IL17D: variants seen among roughly 807,000 people sequenced by gnomAD.
IL17D encodes interleukin 17D.
IL17D carries 10 observed loss-of-function variants against 5.7 expected under a neutral mutation model. The ratio of observed to expected loss-of-function variants is 1.75; its 90% confidence interval spans 1.08 to 2.97. The LOEUF (loss-of-function observed/expected upper bound fraction) is 2.97, where lower values mean the gene tolerates loss of function less well. IL17D is among the 30% of genes most tolerant of loss of function. IL17D has a pLI of 0.00. For synonymous variants in IL17D, 172 were observed against 141.7 expected, an observed-to-expected ratio of 1.21 and a Z score of -1.52; for missense variants, 354 against 292.7, an observed-to-expected ratio of 1.21 and a Z score of -1.53.
intron 1 of IL17D, among the ~76,000 whole-genome samples, chr13:20,720,136 T>G (rs1464532919): frequency 6.6e-6 from 1 of 152,180 alleles, no homozygotes; most frequent in Non-Finnish European, 1.5e-5. Context: ...CTTCGTGGAC[T>G]GAGGATGCAC....
intron 1 of IL17D, among the ~76,000 whole-genome samples, chr13:20,718,314 C>T (rs41323145): frequency 9.2e-5 from 14 of 152,140 alleles, no homozygotes; most frequent in Non-Finnish European, 2.1e-4. Context: ...CTGCATGCCG[C>T]GTGCGTGTGA....
Position 20,716,188 on chromosome 13 carries a change from T to C in IL17D, c.291-5448T>C. 2 of 643,498 alleles carry C rather than the reference T, an allele frequency of 3.1e-6. No individual in the cohort carries two copies. The highest frequency in any genetic ancestry group is 3.9e-6 in the Non-Finnish European group (2 of 517,152). The allele number at this position is 643,498 out of a possible 1,614,324, so 39.9% of individuals were successfully genotyped here. ...AGCTCTTGGAGAGGGATGCTACATG[T>C]CCCTCAGTGTCCCCAGAGGACGGCG... is the stretch of plus-strand genomic sequence containing the variant. On this transcript the variant is annotated intron_variant, in intron 1 of 1. Coordinates refer to ENST00000682841, the MANE Select transcript of IL17D (RefSeq NM_001385224.1). This position sits in a 1 kb window ranked among gnomAD's most constrained non-coding sequence, Gnocchi z 4.2.
intron 1 of IL17D, among the ~76,000 whole-genome samples, chr13:20,718,509 C>A (rs1477945990): frequency 3.2e-5 from 2 of 63,216 alleles, no homozygotes; most frequent in African/African-American, 7.3e-5. Context: ...TGCCCACACT[C>A]AGACACACTT....
intron 1 of IL17D, chr13:20,712,926 T>G (rs2058651048): frequency 6.6e-6 from 1 of 152,092 alleles, no homozygotes; most frequent in Non-Finnish European, 1.5e-5. Flanking sequence ...TTTCTTTTCT[T>G]TCCTTCCTTC....
chr13:20,719,240 C>T (rs1035873832), intron 1 of IL17D, among the ~76,000 whole-genome samples: 1 of 150,608 alleles, frequency 6.6e-6, no homozygotes. Context: ...CATGCTTACA[C>T]GCACCTGCCC....
chr13:20,703,248 A>G (rs2058558512), upstream of IL17D: 1 of 985,668 alleles, frequency 1.0e-6, no homozygotes, highest in Non-Finnish European at 1.2e-6. Context: ...TATTCCGCTC[A>G]AGAGCCGCCG....
rs1387577846 is a variant in IL17D at position 20,721,652 on chromosome 13, GCGAGGTACCC to G, written c.309_318del (p.Arg104GlyfsTer14). The G allele has an allele frequency of 9.4e-6, 15 of 1,601,070 alleles. No homozygotes were observed. Among genetic ancestry groups the G allele is most frequent in the African/African-American group, 1.3e-5 (1 of 74,704 alleles). On this transcript the variant is annotated frameshift_variant, in exon 2 of 2. Coordinates refer to ENST00000682841, the MANE Select transcript of IL17D (RefSeq NM_001385224.1). LOFTEE classifies it low-confidence loss of function (END_TRUNC). ...TCCCTGCAGAATCTCCTACGACCCG[GCGAGGTACCC>G]CAGGTACCTGCCTGAAGCCTACTGC...
At chr13:20,711,097 T>C (rs1336045873) in intron 1 of IL17D, among the ~76,000 whole-genome samples, 2 of 151,712 alleles carry the variant, frequency 1.3e-5, no homozygotes, top group Non-Finnish European at 2.9e-5. Context: ...AAACCCCAGC[T>C]CTACTACAAA....
rs2058750167 is a variant in IL17D, at chr13:20,723,058, G to A, written c.*1104G>A. The A allele has an allele frequency of 6.6e-6, 1 of 152,144 alleles. No individual in the cohort carries two copies. The highest frequency in any genetic ancestry group is 6.5e-5 in the Admixed American group (1 of 15,272). The allele number at this position is 152,144 out of a possible 1,614,324, so 9.4% of individuals were successfully genotyped here. A position where few individuals can be genotyped will look rare whatever the true frequency, so the allele number is the denominator to read the frequency against. On this transcript the variant is annotated 3_prime_UTR_variant, in exon 2 of 2. Transcript: ENST00000682841. Reference sequence around the variant, plus strand: ...TGAACACAATTATTTGTAAAAGTTAGTAGTTCTTTTTTAAATCATTAAAAG... The same window carrying A: ...TGAACACAATTATTTGTAAAAGTTAATAGTTCTTTTTTAAATCATTAAAAG...
chr13:20,706,607 G>A (rs1412603558), intron 1 of IL17D, among the ~76,000 whole-genome samples: 2 of 152,254 alleles, frequency 1.3e-5, no homozygotes, highest in Non-Finnish European at 2.9e-5. Context: ...TAACAAGCCT[G>A]TTGAGTTTTG....
chr13:20,712,786 G>T (rs748160723), intron 1 of IL17D: 1 of 152,222 alleles, frequency 6.6e-6, no homozygotes, highest in Non-Finnish European at 1.5e-5. Flanking sequence ...TGGCCGACAG[G>T]GGGCAGCACG....
chr13:20,710,912 G>A (rs1046250957), intron 1 of IL17D, among the ~76,000 whole-genome samples: 1 of 152,280 alleles, frequency 6.6e-6, no homozygotes, highest in East Asian at 1.9e-4. Context: ...AAAGGACAAG[G>A]AGTGTCCTAG....
At chr13:20,707,623 G>C (rs1235388014) in intron 1 of IL17D, among the ~76,000 whole-genome samples, 1 of 152,010 alleles carries the variant, frequency 6.6e-6, no homozygotes, top group Non-Finnish European at 1.5e-5. Flanking sequence ...TAGGCTCAAG[G>C]GATCCTCCTA....
chr13:20,705,046 G>A (rs532855598), intron 1 of IL17D, among the ~76,000 whole-genome samples: 1 of 152,174 alleles, frequency 6.6e-6, no homozygotes, highest in Non-Finnish European at 1.5e-5. Flanking sequence ...GAAGGGGAAG[G>A]CTGGAGAAGT....
chr13:20,714,604 G>A (rs1216157423), intron 1 of IL17D, among the ~76,000 whole-genome samples: 3 of 152,232 alleles, frequency 2.0e-5, no homozygotes, highest in African/African-American at 7.2e-5. Flanking sequence ...TGACCTTGAT[G>A]TTAAGTTCAG....
At chr13:20,712,786 G>C (rs748160723) in intron 1 of IL17D, 1 of 152,220 alleles carries the variant, frequency 6.6e-6, no homozygotes, top group Non-Finnish European at 1.5e-5. Context: ...TGGCCGACAG[G>C]GGGCAGCACG....
chr13:20,713,866 TTAAA>T (rs2058659074), intron 1 of IL17D: 1 of 152,324 alleles, frequency 6.6e-6, no homozygotes, highest in African/African-American at 2.4e-5. Context: ...TCTTCCGGAA[TTAAA>T]GAGTCCAGGC....
At chr13:20,718,814 CCA>C (rs1271741996) in intron 1 of IL17D, among the ~76,000 whole-genome samples, 7 of 144,624 alleles carry the variant, frequency 4.8e-5, no homozygotes, top group South Asian at 2.3e-4. Flanking sequence ...TCACCCCTGC[CCA>C]CACACACCTG....
chr13:20,722,451 T>A lies in IL17D; in HGVS notation c.*497T>A, dbSNP rs1362135614. 1 of 153,014 alleles carries A rather than the reference T, an allele frequency of 6.5e-6. No homozygotes were observed. The highest frequency in any genetic ancestry group is 1.5e-5 in the Non-Finnish European group (1 of 68,592). 9.5% of individuals were successfully genotyped at this position (153,014 alleles called of 1,614,324 possible). A position where few individuals can be genotyped will look rare whatever the true frequency, so the allele number is the denominator to read the frequency against. ...TATTATCAAATGAGAGCTACTCTGT[T>A]ACATTTCTTAACATATAAACATCGT... On this transcript the variant is annotated 3_prime_UTR_variant, in exon 2 of 2. Coordinates refer to ENST00000682841, the MANE Select transcript of IL17D (RefSeq NM_001385224.1).
Sources: gnomAD v4.1 joint callset for allele counts (sites outside exome capture counted in the v4.1 genomes callset) on GRCh38, gnomAD v4.1.1 for gene constraint, Gnocchi (gnomAD v3.1) non-coding constraint, MANE v1.5 for transcripts, NCBI Gene and HGNC (gene_info 2026-07-23, HGNC 2026-07-21) for gene names.